The following RPGRIP1L variants were observed in gnomAD, a reference collection of about 807,000 sequenced individuals.
The protein encoded by RPGRIP1L is protein fantom.
A neutral mutation model predicts 160.4 loss-of-function variants in RPGRIP1L; 131 were observed. The observed-to-expected ratio is 0.82, with a 90% CI of 0.71 to 0.94. RPGRIP1L has a LOEUF of 0.94. Ranked by LOEUF, RPGRIP1L falls within the 40% of genes least tolerant of loss-of-function variation. RPGRIP1L has a pLI of 0.00. For missense variants in RPGRIP1L, 1,522 were observed against 1,535.8 expected, an observed-to-expected ratio of 0.99 and a Z score of 0.15; for synonymous variants, 510 against 515.8, an observed-to-expected ratio of 0.99 and a Z score of 0.15.
In RPGRIP1L at chr16:53,689,266, G is replaced by A. The variant is rs1353206675; in HGVS notation, c.530-1301C>T. On this transcript the variant is annotated intron_variant, in intron 4 of 26. Coordinates refer to ENST00000647211, the MANE Select transcript of RPGRIP1L (RefSeq NM_015272.5). ...GTTGGGAATATTTCAAATCTCTTCT[G>A]GATATTTTTAAATATTCAGTATGCT... Among the ~76,000 whole-genome samples the A allele has an allele frequency of 4.6e-5, 7 of 152,006 alleles. No individual in the cohort carries two copies. The East Asian group carries it at 1.2e-3, about 25-fold the overall frequency.
chr16:53,647,729 G>C (rs190765921), intron 16 of RPGRIP1L, among the ~76,000 whole-genome samples: 11 of 152,306 alleles, frequency 7.2e-5, no homozygotes, highest in Admixed American at 7.2e-4. Context: ...ATTATGACTT[G>C]AACAGACATA....
intron 22 of RPGRIP1L, among the ~76,000 whole-genome samples, chr16:53,627,876 TTA>T (rs1567810984): frequency 6.6e-6 from 1 of 152,196 alleles, no homozygotes; most frequent in African/African-American, 2.4e-5. Context: ...TGATGAACAA[TTA>T]TGTTGTTTAC....
chr16:53,652,233 T>C lies in RPGRIP1L; in HGVS notation c.2152+302A>G, dbSNP rs1259109204. On this transcript the variant is annotated intron_variant, in intron 15 of 26. Coordinates refer to ENST00000647211, the MANE Select transcript of RPGRIP1L (RefSeq NM_015272.5). The stretch of plus-strand genomic sequence containing the variant: ...GATTACAGGCATGCACCACCACACC[T>C]GGCTAATTTTTGTATTTTTACTAGA... Among the ~76,000 whole-genome samples, 3 of 152,120 alleles carry C rather than the reference T, an allele frequency of 2.0e-5. No homozygotes were observed. In the East Asian group the frequency reaches 5.8e-4, roughly 29 times the overall value.
chr16:53,650,891 T>C (rs964077164), intron 15 of RPGRIP1L, among the ~76,000 whole-genome samples: 3 of 152,164 alleles, frequency 2.0e-5, no homozygotes, highest in Admixed American at 2.0e-4. Flanking sequence ...AATTTTGGAG[T>C]TTCCCAAGGC....
intron 3 of RPGRIP1L, chr16:53,695,880 A>C (rs1353530153): frequency 2.8e-6 from 1 of 359,280 alleles, no homozygotes; most frequent in Non-Finnish European, 5.1e-6. Flanking sequence ...ATAAATATTA[A>C]ACCAAAAGTT....
intron 10 of RPGRIP1L, among the ~76,000 whole-genome samples, chr16:53,664,022 C>T (rs1968032531): frequency 6.6e-6 from 1 of 152,138 alleles, no homozygotes; most frequent in African/African-American, 2.4e-5. Flanking sequence ...AACTTTTAAA[C>T]ATTCTCATGC....
chr16:53,647,401 A>G (rs1189250179), intron 16 of RPGRIP1L, among the ~76,000 whole-genome samples: 1 of 152,120 alleles, frequency 6.6e-6, no homozygotes, highest in African/African-American at 2.4e-5. Context: ...TCTCCATCTG[A>G]TCTCCATTTT....
Position 53,703,859 on chromosome 16 carries a change from C to A in RPGRIP1L, c.-64G>T. ...GCTATAGCGCCGACAGCGTGGCGGG[C>A]GGCTGGCCGAGAGGAGCACGGGAGA... On this transcript the variant is annotated 5_prime_UTR_variant, in exon 1 of 27. Coordinates refer to ENST00000647211, the MANE Select transcript of RPGRIP1L (RefSeq NM_015272.5). 1 of 504,952 alleles carries A rather than the reference C, an allele frequency of 2.0e-6. No individual in the cohort carries two copies. 31.3% of individuals were successfully genotyped at this position (504,952 alleles called of 1,614,324 possible). A position where few individuals can be genotyped will look rare whatever the true frequency, so the allele number is the denominator to read the frequency against.
chr16:53,637,552 C>T (rs1965917903), intron 21 of RPGRIP1L, 143 bp downstream of exon 21: 11 of 733,756 alleles, frequency 1.5e-5, no homozygotes, highest in Non-Finnish European at 2.5e-5. Context: ...GAAGATGGAA[C>T]TATATTCTAT....
chr16:53,673,155 TA>T, intron 7 of RPGRIP1L, 139 bp from the exon 8 acceptor site: 2 of 815,442 alleles, frequency 2.5e-6, no homozygotes, highest in Non-Finnish European at 3.9e-6. Context: ...ATTTTTTACA[TA>T]ACAAATGATG....
At chr16:53,692,408 C>T (rs764756428) in intron 3 of RPGRIP1L, 44 bp from the exon 4 acceptor site, 1 of 1,549,964 alleles carries the variant, frequency 6.5e-7, no homozygotes, top group East Asian at 2.2e-5. Flanking sequence ...GAGAAGTCAG[C>T]ATAAAATCCA....
chr16:53,644,612 T>C (rs946538693), intron 17 of RPGRIP1L, among the ~76,000 whole-genome samples: 5 of 152,050 alleles, frequency 3.3e-5, no homozygotes, highest in African/African-American at 4.8e-5. Context: ...CACAATAAAA[T>C]TAACAACTGA....
chr16:53,645,958 A>C lies in RPGRIP1L; in HGVS notation c.2350T>G (p.Ser784Ala). The change falls in exon 17 of 27, where the codon TCC becomes GCC. Residue 784 changes from serine to alanine, a missense_variant. Ser to Ala is a moderately conservative substitution (Grantham distance 99, BLOSUM62 1). Transcript: ENST00000647211. Reference protein sequence around the residue: ...PKTAQLSSTDSTDGNLNELHI... With the variant: ...PKTAQLSSTDATDGNLNELHI... ...AGTTCATTTAAGTTGCCATCTGTGG[A>C]ATCTGTAGAACTGAGTTGAGCAGTT... 1 of 1,614,118 alleles carries C rather than the reference A, an allele frequency of 6.2e-7. No homozygotes were observed. Among genetic ancestry groups the C allele is most frequent in the Non-Finnish European group, 8.5e-7 (1 of 1,179,998 alleles).
At chr16:53,673,383 G>A (rs1968903471) in intron 7 of RPGRIP1L, among the ~76,000 whole-genome samples, 1 of 152,090 alleles carries the variant, frequency 6.6e-6, no homozygotes, top group South Asian at 2.1e-4. Context: ...GCTGTAGCAT[G>A]GGTCAAAAAT....
chr16:53,636,430 G>C lies in RPGRIP1L; in HGVS notation c.3294+9C>G. 2 of 1,592,132 alleles carry C rather than the reference G, an allele frequency of 1.3e-6. No individual in the cohort carries two copies. Among genetic ancestry groups the C allele is most frequent in the Non-Finnish European group, 8.6e-7 (1 of 1,160,204 alleles). On this transcript the variant is annotated intron_variant, in intron 22 of 26. Transcript: ENST00000647211. ...TCAGAACATTTCTAGTTGGCATCAA[G>C]TTACTGACCTGTTTGATATTCTTGG... is the stretch of plus-strand genomic sequence containing the variant.
intron 2 of RPGRIP1L, among the ~76,000 whole-genome samples, chr16:53,698,838 A>G (rs1338469070): frequency 6.8e-6 from 1 of 146,580 alleles, no homozygotes; most frequent in African/African-American, 2.5e-5. Flanking sequence ...GGCCGCCCCT[A>G]CTGGGAAGTG....
At chr16:53,671,198 C>T (rs944913310) in intron 9 of RPGRIP1L, among the ~76,000 whole-genome samples, 1 of 151,892 alleles carries the variant, frequency 6.6e-6, no homozygotes, top group African/African-American at 2.4e-5. Flanking sequence ...GTGCTGTGAA[C>T]AATTTATAAC....
At chr16:53,667,757 C>T (rs1205297793) in intron 9 of RPGRIP1L, among the ~76,000 whole-genome samples, 1 of 152,056 alleles carries the variant, frequency 6.6e-6, no homozygotes, top group Non-Finnish European at 1.5e-5. Context: ...CATGTAATCC[C>T]AGCTACTCAG....
intron 24 of RPGRIP1L, among the ~76,000 whole-genome samples, chr16:53,617,359 G>A (rs1260049654): frequency 6.6e-6 from 1 of 152,120 alleles, no homozygotes; most frequent in Admixed American, 6.6e-5. Flanking sequence ...CAAAGAGTTT[G>A]TCATTTTTCT....
Sources: allele counts gnomAD v4.1 joint callset (sites outside exome capture counted in the v4.1 genomes callset), GRCh38; gene constraint gnomAD v4.1.1; transcripts MANE v1.5; gene names NCBI Gene and HGNC (gene_info 2026-07-23, HGNC 2026-07-21).